Variants in CCDC60 observed in about 807,000 individuals in gnomAD.
CCDC60 encodes coiled-coil domain containing 60.
In CCDC60, 54 loss-of-function variants were observed where a neutral mutation model predicts 63.5. That is an observed-to-expected ratio of 0.85 (90% CI 0.68 to 1.07). CCDC60 has a LOEUF of 1.07. Among genes scored for constraint, CCDC60 ranks in the 50% least tolerant of loss-of-function variants. CCDC60 has a pLI of 0.00. For missense variants in CCDC60, 651 were observed against 684.3 expected, an observed-to-expected ratio of 0.95 and a Z score of 0.54; for synonymous variants, 206 against 238.8, an observed-to-expected ratio of 0.86 and a Z score of 1.27.
At chr12:119,455,085 A>G (rs577880465) in intron 2 of CCDC60, among the ~76,000 whole-genome samples, 5 of 152,134 alleles carry the variant, frequency 3.3e-5, no homozygotes, top group African/African-American at 1.2e-4. Flanking sequence ...CCTATCGGGA[A>G]AGGCAGCTGG....
chr12:119,483,585 G>A (rs563145046), intron 4 of CCDC60, among the ~76,000 whole-genome samples: 36 of 152,290 alleles, frequency 2.4e-4, no homozygotes, highest in African/African-American at 8.4e-4. Context: ...CAATCAGCAC[G>A]GGGTGCTTGG....
Position 119,488,882 on chromosome 12 carries a change from T to C in CCDC60, c.557+16T>C. ...GGAACCCAAAGTATGCCTCAGCCCT[T>C]CAACTTGTCTTAGACTAGCAGTAGG... On this transcript the variant is annotated intron_variant, in intron 5 of 13. Coordinates refer to ENST00000327554, the MANE Select transcript of CCDC60 (RefSeq NM_178499.5). 6.3e-7 allele frequency: 1 copy of C among 1,594,704 alleles called. No homozygotes were observed. Among genetic ancestry groups the C allele is most frequent in the African/African-American group, 1.3e-5 (1 of 74,652 alleles).
intron 11 of CCDC60, among the ~76,000 whole-genome samples, chr12:119,525,517 T>C (rs894737448): frequency 5.9e-5 from 9 of 152,174 alleles, no homozygotes; most frequent in Admixed American, 5.9e-4. Context: ...AAAAAAATCT[T>C]CAACAAAGAA....
At position 119,523,754 on chromosome 12, in the gene CCDC60, A is replaced by G; in HGVS notation, c.1165A>G (p.Lys389Glu). ...KSGVCNTMRA[K>E]FYSVAQEAGF... ...TGGGGTGTGTAACACCATGAGGGCCAAGTTTTACAGCGTAGCCCAGGAGGC... is the reference window on the plus strand; with the variant it reads ...TGGGGTGTGTAACACCATGAGGGCCGAGTTTTACAGCGTAGCCCAGGAGGC... Residue 389 changes from lysine to glutamate, a missense_variant, in exon 11 of 14, where the codon AAG becomes GAG. Coordinates refer to ENST00000327554, the MANE Select transcript of CCDC60 (RefSeq NM_178499.5). The G allele has an allele frequency of 6.2e-7, 1 of 1,614,226 alleles. No homozygotes were observed. Among genetic ancestry groups the G allele is most frequent in the Non-Finnish European group, 8.5e-7 (1 of 1,180,030 alleles).
At chr12:119,350,229 G>T (rs573753278) in intron 1 of CCDC60, among the ~76,000 whole-genome samples, 1 of 150,922 alleles carries the variant, frequency 6.6e-6, no homozygotes, top group Non-Finnish European at 1.5e-5. Context: ...ACAGAGTCTC[G>T]CTCTGTCACC....
chr12:119,519,469 T>A (rs28382382), intron 8 of CCDC60, among the ~76,000 whole-genome samples: 1,922 of 97,896 alleles, frequency 0.02, 18 homozygotes, highest in Middle Eastern at 0.043. Flanking sequence ...ATATATATAT[T>A]TTTTTTTTTT....
At chr12:119,404,732 T>C (rs1305860349) in intron 1 of CCDC60, among the ~76,000 whole-genome samples, 1 of 152,110 alleles carries the variant, frequency 6.6e-6, no homozygotes, top group Non-Finnish European at 1.5e-5. Context: ...GAATCTCAGC[T>C]CTAGATAAGA....
At chr12:119,386,991 T>A in intron 1 of CCDC60, among the ~76,000 whole-genome samples, 1 of 129,426 alleles carries the variant, frequency 7.7e-6, no homozygotes, top group African/African-American at 3.0e-5. Flanking sequence ...CTCTTCCCCC[T>A]CAACTCTCTC....
At chr12:119,402,727 A>G (rs1228127643) in intron 1 of CCDC60, among the ~76,000 whole-genome samples, 2 of 152,168 alleles carry the variant, frequency 1.3e-5, no homozygotes, top group African/African-American at 4.8e-5. Flanking sequence ...GTGTTGGGTA[A>G]TCTCTCAACG....
At chr12:119,528,895 C>G (rs1046844122) in intron 12 of CCDC60, 149 bp downstream of exon 12, 7 of 743,710 alleles carry the variant, frequency 9.4e-6, no homozygotes, top group East Asian at 6.0e-5. Flanking sequence ...CCCCCACCCC[C>G]CAGAAACACT....
chr12:119,346,836 T>TTTC (rs1565964790), intron 1 of CCDC60, among the ~76,000 whole-genome samples: 4 of 97,838 alleles, frequency 4.1e-5, no homozygotes, highest in African/African-American at 1.3e-4. Context: ...TTCTTTCTTT[T>TTTC]TTTTTTGAGA....
At chr12:119,413,864 G>C (rs565775050) in intron 1 of CCDC60, among the ~76,000 whole-genome samples, 4 of 152,090 alleles carry the variant, frequency 2.6e-5, no homozygotes, top group African/African-American at 9.7e-5. Flanking sequence ...TTTACTGAAG[G>C]GTTCACAGAA....
At chr12:119,389,956 T>C (rs1305360587) in intron 1 of CCDC60, among the ~76,000 whole-genome samples, 1 of 152,220 alleles carries the variant, frequency 6.6e-6, no homozygotes, top group Non-Finnish European at 1.5e-5. Flanking sequence ...TCCTGGTCAG[T>C]GTGTGGCCAC....
chr12:119,359,778 G>A (rs1166139996), intron 1 of CCDC60, among the ~76,000 whole-genome samples: 54 of 151,310 alleles, frequency 3.6e-4, no homozygotes, highest in Admixed American at 1.6e-3. Flanking sequence ...AACAAAGCAC[G>A]TCTTGCACCG....
intron 1 of CCDC60, among the ~76,000 whole-genome samples, chr12:119,373,667 T>TGGGGGGGGGGG (rs57046909): frequency 1.8e-5 from 1 of 54,086 alleles, no homozygotes; most frequent in Admixed American, 1.7e-4. Flanking sequence ...CGGGGTGGGG[T>TGGGGGGGGGGG]GGGGGGGGGT....
chr12:119,503,276 A>G (rs1951902468), intron 6 of CCDC60, among the ~76,000 whole-genome samples: 1 of 152,212 alleles, frequency 6.6e-6, no homozygotes, highest in Non-Finnish European at 1.5e-5. Flanking sequence ...GGCAACTTCT[A>G]CATGTTTCAT....
chr12:119,467,934 C>T (rs1387658806), intron 2 of CCDC60, among the ~76,000 whole-genome samples: 1 of 152,120 alleles, frequency 6.6e-6, no homozygotes, highest in Non-Finnish European at 1.5e-5. Flanking sequence ...TTGTTTCAAA[C>T]ATGAATTCCA....
chr12:119,377,254 C>CAAAAAAAAAAAAAAAAAAAA (rs60100165), intron 1 of CCDC60, among the ~76,000 whole-genome samples: 2 of 47,446 alleles, frequency 4.2e-5, no homozygotes, highest in Non-Finnish European at 7.5e-5. Flanking sequence ...CACTCCATCT[C>CAAAAAAAAAAAAAAAAAAAA]AAAAAAAAAA....
chr12:119,406,834 T>C (rs1593041953), intron 1 of CCDC60, among the ~76,000 whole-genome samples: 2 of 152,118 alleles, frequency 1.3e-5, no homozygotes, highest in Non-Finnish European at 1.5e-5. Context: ...GAGGATGCAA[T>C]ACACTAGGGT....
Sources: allele counts gnomAD v4.1 joint callset (sites outside exome capture counted in the v4.1 genomes callset), GRCh38; gene constraint gnomAD v4.1.1; transcripts MANE v1.5; gene names NCBI Gene and HGNC (gene_info 2026-07-23, HGNC 2026-07-21).